Variants in JAG1 observed in about 807,000 individuals in gnomAD.
The protein encoded by JAG1 is jagged canonical Notch ligand 1, also known as protein jagged-1.
In JAG1, 23 loss-of-function variants were observed where a neutral mutation model predicts 148.7. The ratio of observed to expected loss-of-function variants is 0.15; its 90% CI spans 0.11 to 0.22. The LOEUF (loss-of-function observed/expected upper bound fraction) is 0.22, where lower values mean the gene tolerates loss of function less well. Ranked by LOEUF, JAG1 falls within the 10% of genes least tolerant of loss-of-function variation. The pLI, the probability that JAG1 is intolerant of heterozygous loss-of-function variation, is 1.00. For synonymous variants in JAG1, 572 were observed against 598.3 expected (o/e 0.96, Z 0.64); for missense variants, 1,054 against 1,611.2 (o/e 0.65, Z 5.92).
intron 4 of JAG1, among the ~76,000 whole-genome samples, chr20:10,656,794 C>T (rs1169371041): frequency 6.6e-6 from 1 of 151,832 alleles, no homozygotes; most frequent in Admixed American, 6.6e-5. Flanking sequence ...CTGCCCACAC[C>T]CTTTTCATTA....
chr20:10,660,217 C>T (rs1231782717), intron 3 of JAG1, among the ~76,000 whole-genome samples: 2 of 152,218 alleles, frequency 1.3e-5, no homozygotes, highest in Admixed American at 6.5e-5. Flanking sequence ...AGGGCCCCAG[C>T]GTTCGCCCTC....
chr20:10,647,350 G>T, intron 13 of JAG1: 1 of 562,184 alleles, frequency 1.8e-6, no homozygotes, highest in Non-Finnish European at 3.2e-6. Flanking sequence ...ACATGCTTGT[G>T]GATCCCCTTC....
chr20:10,673,091 G>A lies in JAG1; in HGVS notation c.82-85C>T, dbSNP rs62185096. Reference sequence around the variant, plus strand: ...AGGTGGCGACTCCCTCCCACTCCCCGCCCCGACGAGCCCTCCTCGCCGAGT... The same window carrying A: ...AGGTGGCGACTCCCTCCCACTCCCCACCCCGACGAGCCCTCCTCGCCGAGT... On this transcript the variant is annotated intron_variant, in intron 1 of 25. Transcript: ENST00000254958. The surrounding 1 kb of genome is among the most constrained non-coding windows in gnomAD (Gnocchi z 4.7). The A allele has an allele frequency of 0.27, 328,424 of 1,220,540 alleles. 46,094 individuals carry two copies. Among genetic ancestry groups the A allele is most frequent in the East Asian group, 0.36 (14,661 of 41,202 alleles). The allele number at this position is 1,220,540 out of a possible 1,614,324, so 75.6% of individuals were successfully genotyped here. A position where few individuals can be genotyped will look rare whatever the true frequency, so the allele number is the denominator to read the frequency against.
intron 2 of JAG1, among the ~76,000 whole-genome samples, chr20:10,666,971 T>C (rs111663213): frequency 2.9e-4 from 44 of 152,348 alleles, no homozygotes; most frequent in Non-Finnish European, 5.3e-4. Flanking sequence ...TTCTCTGCCC[T>C]GTCCCACTCC....
At chr20:10,650,721 T>A (rs1474817534) in intron 8 of JAG1, 1 of 305,328 alleles carries the variant, frequency 3.3e-6, no homozygotes, top group East Asian at 8.2e-5. Context: ...GGAAAAATAG[T>A]TCTTTACAGG....
Position 10,669,547 on chromosome 20 carries a change from C to CAAAAAAAAAA in JAG1, c.387+3144_387+3153dup, listed in dbSNP as rs56122797. Among the ~76,000 whole-genome samples the CAAAAAAAAAA allele has an allele frequency of 1.9e-3, 82 of 44,190 alleles. 26 individuals carry two copies. Among genetic ancestry groups the CAAAAAAAAAA allele is most frequent in the Middle Eastern group, 0.024 (2 of 82 alleles). The allele number at this position is 44,190 out of a possible 152,430, so 29.0% of individuals were successfully genotyped here. The stretch of plus-strand genomic sequence containing the variant: ...AAGAATCACGTTTCATTGGATTTTC[C>CAAAAAAAAAA]AAAAAAAAAAAAAAAAAAAAAAAAA... On this transcript the variant is annotated intron_variant, in intron 2 of 25. Transcript: ENST00000254958.
In JAG1 at chr20:10,645,908, GAA is replaced by G. The variant is rs2067305538; in HGVS notation, c.1999+61_1999+62del. 1 of 1,140,522 alleles carries G rather than the reference GAA, an allele frequency of 8.8e-7. No individual in the cohort carries two copies. The highest frequency in any genetic ancestry group is 1.5e-5 in the African/African-American group (1 of 66,058). The allele number at this position is 1,140,522 out of a possible 1,614,324, so 70.7% of individuals were successfully genotyped here. ...AGTACAAAGAAAGTTTTCCCACGTTGAAGTGGGATCCCTCCAACATGACCCAT... is the reference window on the plus strand; with the variant it reads ...AGTACAAAGAAAGTTTTCCCACGTTGGTGGGATCCCTCCAACATGACCCAT... On this transcript the variant is annotated intron_variant, in intron 15 of 25. Coordinates refer to ENST00000254958, the MANE Select transcript of JAG1 (RefSeq NM_000214.3). The surrounding 1 kb of genome is among the most constrained non-coding windows in gnomAD (Gnocchi z 6.1).
At chr20:10,652,326 T>C in intron 6 of JAG1, 76 bp from the exon 7 acceptor site, 2 of 1,603,964 alleles carry the variant, frequency 1.2e-6, no homozygotes, top group South Asian at 1.1e-5. Flanking sequence ...GCCCCAGTCG[T>C]CTTTTAAAAA....
intron 25 of JAG1, 42 bp downstream of exon 25, chr20:10,640,738 GATC>G (rs769847806): frequency 4.2e-5 from 66 of 1,583,420 alleles, no homozygotes; most frequent in Middle Eastern, 3.3e-4. Context: ...AGTATAATGA[GATC>G]ATCTACTATC....
chr20:10,649,214 C>T (rs1010215426), intron 10 of JAG1, 107 bp from the exon 11 acceptor site: 3 of 810,878 alleles, frequency 3.7e-6, no homozygotes, highest in Non-Finnish European at 6.3e-6. Flanking sequence ...ATCAGATTTC[C>T]TGTGTGCTTT....
Position 10,638,451 on chromosome 20 carries a change from T to C in JAG1, c.*1047A>G, listed in dbSNP as rs141994588. 2.6e-5 allele frequency: 4 copies of C among 152,792 alleles called. No homozygotes were observed. The highest frequency in any genetic ancestry group is 9.6e-5 in the African/African-American group (4 of 41,594). 9.5% of individuals were successfully genotyped at this position (152,792 alleles called of 1,614,324 possible). A position where few individuals can be genotyped will look rare whatever the true frequency, so the allele number is the denominator to read the frequency against. On this transcript the variant is annotated 3_prime_UTR_variant, in exon 26 of 26. Transcript: ENST00000254958. ...CTCACATTTTGGCTATGTTAAGTCA[T>C]AGCTCAACTTGTTCCCTTACTGCTC...
chr20:10,641,956 G>A (rs575312504), intron 21 of JAG1, 64 bp from the exon 22 acceptor site: 144 of 1,078,982 alleles, frequency 1.3e-4, no homozygotes, highest in Non-Finnish European at 2.0e-4. Flanking sequence ...TCAATTCTTT[G>A]GTCCCTGTTA....
Position 10,658,867 on chromosome 20 carries a change from C to G in JAG1, c.440-145G>C, listed in dbSNP as rs2067395752. The G allele has an allele frequency of 4.8e-6, 4 of 840,252 alleles. No homozygotes were observed. The South Asian group carries it at 6.6e-5, about 14-fold the overall frequency. The allele number at this position is 840,252 out of a possible 1,614,324, so 52.0% of individuals were successfully genotyped here. A position where few individuals can be genotyped will look rare whatever the true frequency, so the allele number is the denominator to read the frequency against. On this transcript the variant is annotated intron_variant, in intron 3 of 25. Coordinates refer to ENST00000254958, the MANE Select transcript of JAG1 (RefSeq NM_000214.3). ...GGCAAAGAAATGAAAAGTTTATGCC[C>G]CTACCCAGAGACAACCTGTTACCAC...
At chr20:10,654,096 T>C (rs2067363248) in intron 5 of JAG1, among the ~76,000 whole-genome samples, 1 of 152,240 alleles carries the variant, frequency 6.6e-6, no homozygotes, top group African/African-American at 2.4e-5. Flanking sequence ...ATTCTTAGCC[T>C]GAAAGATAGT....
chr20:10,652,750 A>G, intron 5 of JAG1, 152 bp from the exon 6 acceptor site: 1 of 715,066 alleles, frequency 1.4e-6, no homozygotes, highest in Non-Finnish European at 2.3e-6. Context: ...GGCTCCGTAT[A>G]AACAAACATT....
chr20:10,641,201 T>C lies in JAG1; in HGVS notation c.2960A>G (p.Asn987Ser). 6.2e-7 allele frequency: 1 copy of C among 1,614,032 alleles called. No individual in the cohort carries two copies. The highest frequency in any genetic ancestry group is 8.5e-7 in the Non-Finnish European group (1 of 1,180,022). Residue 987 changes from asparagine (N) to serine (S), a missense_variant, in exon 24 of 26, where the codon AAT becomes AGT. Asn to Ser is a conservative substitution (Grantham distance 46). Coordinates refer to ENST00000254958, the MANE Select transcript of JAG1 (RefSeq NM_000214.3). ...TTCAGCGGAAACATTCTTCAAAATA[T>C]TCAAATTCCTCAATTCACTGCAAAT... ...EHICSELRNL[N>S]ILKNVSAEYS...
Position 10,639,384 on chromosome 20 carries a change from A to T in JAG1, c.*114T>A. On this transcript the variant is annotated 3_prime_UTR_variant, in exon 26 of 26. Transcript: ENST00000254958. ...AGTGTAAGCCAGCTTGTCAAAACTTAAATTAACACAGGGATTCTAAGTCAG... is the reference window on the plus strand; with the variant it reads ...AGTGTAAGCCAGCTTGTCAAAACTTTAATTAACACAGGGATTCTAAGTCAG... 1 of 1,018,052 alleles carries T rather than the reference A, an allele frequency of 9.8e-7. No individual in the cohort carries two copies. Among genetic ancestry groups the T allele is most frequent in the Non-Finnish European group, 1.6e-6 (1 of 638,612 alleles). 63.1% of individuals were successfully genotyped at this position (1,018,052 alleles called of 1,614,324 possible). A position where few individuals can be genotyped will look rare whatever the true frequency, so the allele number is the denominator to read the frequency against.
chr20:10,655,796 C>A (rs1176574198), intron 5 of JAG1, among the ~76,000 whole-genome samples: 1 of 152,158 alleles, frequency 6.6e-6, no homozygotes, highest in East Asian at 1.9e-4. Context: ...GTGAAGTGGT[C>A]AGGGCAGGCC....
intron 25 of JAG1, among the ~76,000 whole-genome samples, chr20:10,640,476 C>T (rs2067262887): frequency 6.6e-6 from 1 of 152,244 alleles, no homozygotes; most frequent in South Asian, 2.1e-4. Context: ...CCAAGTCAGG[C>T]TTTGTACAGC....
Sources: gnomAD v4.1 joint callset for allele counts (sites outside exome capture counted in the v4.1 genomes callset) on GRCh38, gnomAD v4.1.1 for gene constraint, Gnocchi (gnomAD v3.1) non-coding constraint, MANE v1.5 for transcripts, NCBI Gene and HGNC (gene_info 2026-07-23, HGNC 2026-07-21) for gene names.